Variants in ACBD6 observed in about 807,000 individuals in gnomAD.
The protein encoded by ACBD6 is acyl-CoA binding domain containing 6.
ACBD6 carries 28 observed loss-of-function variants against 37.2 expected under a neutral mutation model. The ratio of observed to expected loss-of-function variants is 0.75; its 90% CI spans 0.56 to 1.03. ACBD6 has a LOEUF of 1.03. ACBD6 is among the 50% of genes least tolerant of loss of function. The pLI is 0.00. For synonymous variants in ACBD6, 113 were observed against 126.8 expected (o/e 0.89, Z 0.73); for missense variants, 340 against 337.4 (o/e 1.01, Z -0.06).
chr1:180,464,333 A>G (rs780071555), intron 3 of ACBD6, among the ~76,000 whole-genome samples: 43 of 152,198 alleles, frequency 2.8e-4, no homozygotes, highest in Non-Finnish European at 4.9e-4. Context: ...AAACAACTTC[A>G]GCAAAGTTGC....
intron 6 of ACBD6, among the ~76,000 whole-genome samples, chr1:180,325,289 C>T (rs1265005092): frequency 6.6e-6 from 1 of 151,932 alleles, no homozygotes; most frequent in Non-Finnish European, 1.5e-5. Context: ...TCTTTTGTTT[C>T]CTCTGTGTAT....
intron 3 of ACBD6, among the ~76,000 whole-genome samples, chr1:180,450,454 G>C (rs886871200): frequency 6.6e-6 from 1 of 152,178 alleles, no homozygotes; most frequent in African/African-American, 2.4e-5. Flanking sequence ...CTTAAAAGCT[G>C]CCTTAAAACT....
At chr1:180,397,374 T>C (rs1312136845) in intron 6 of ACBD6, 142 bp downstream of exon 6, 2 of 782,326 alleles carry the variant, frequency 2.6e-6, no homozygotes, top group African/African-American at 3.4e-5. Context: ...CGGAACTATA[T>C]AGTAGCAATG....
intron 5 of ACBD6, among the ~76,000 whole-genome samples, chr1:180,409,205 A>G (rs1647752126): frequency 1.3e-5 from 2 of 152,168 alleles, no homozygotes; most frequent in African/African-American, 4.8e-5. Context: ...GATGCAGGTA[A>G]GAGAGAATTT....
At chr1:180,401,379 A>T (rs1647351178) in intron 5 of ACBD6, among the ~76,000 whole-genome samples, 1 of 152,224 alleles carries the variant, frequency 6.6e-6, no homozygotes, top group Admixed American at 6.5e-5. Context: ...CAGAGAGCAC[A>T]TCTTAATATA....
intron 6 of ACBD6, among the ~76,000 whole-genome samples, chr1:180,369,793 A>C (rs1653185971): frequency 6.6e-6 from 1 of 152,204 alleles, no homozygotes; most frequent in Non-Finnish European, 1.5e-5. Context: ...CTTTAGAACA[A>C]AGTATTTAGC....
At chr1:180,289,269 G>A (rs375375233) in intron 7 of ACBD6, among the ~76,000 whole-genome samples, 6 of 152,286 alleles carry the variant, frequency 3.9e-5, no homozygotes, top group African/African-American at 1.4e-4. Context: ...AAGACCCAAT[G>A]ATTAGATGGT....
intron 3 of ACBD6, among the ~76,000 whole-genome samples, chr1:180,437,756 A>G (rs1026735061): frequency 3.3e-5 from 5 of 152,222 alleles, no homozygotes; most frequent in Non-Finnish European, 7.3e-5. Context: ...ATGAAGAAAA[A>G]AAACAGGTCC....
intron 3 of ACBD6, among the ~76,000 whole-genome samples, chr1:180,445,924 T>C (rs2102019597): frequency 6.6e-6 from 1 of 152,334 alleles, no homozygotes; most frequent in African/African-American, 2.4e-5. Context: ...AATTACATTA[T>C]ATTACTTCTC....
At chr1:180,463,635 G>T (rs1003922310) in intron 3 of ACBD6, among the ~76,000 whole-genome samples, 1 of 152,104 alleles carries the variant, frequency 6.6e-6, no homozygotes, top group Non-Finnish European at 1.5e-5. Context: ...GTACAAAGAA[G>T]AGCTGGTACC....
At chr1:180,291,230 G>A (rs1649695409) in intron 7 of ACBD6, among the ~76,000 whole-genome samples, 1 of 152,166 alleles carries the variant, frequency 6.6e-6, no homozygotes, top group Admixed American at 6.5e-5. Context: ...TGTTTTCACA[G>A]CTTGTGGGTA....
At position 180,496,519 on chromosome 1, in the gene ACBD6, C is replaced by T. The variant is rs369836507; in HGVS notation, c.223-994G>A. Reference sequence around the variant, plus strand: ...GATCTACTGACTGCCTTAGGTATTCCTAGTTCAGGGTTTTGCTTGTTACTC... The same window carrying T: ...GATCTACTGACTGCCTTAGGTATTCTTAGTTCAGGGTTTTGCTTGTTACTC... On this transcript the variant is annotated intron_variant, in intron 1 of 7. Transcript: ENST00000367595. Among the ~76,000 whole-genome samples the T allele has an allele frequency of 1.1e-4, 16 of 152,236 alleles. 1 individual carries two copies. In the South Asian group the frequency reaches 2.7e-3, roughly 26 times the overall value.
At chr1:180,288,652 G>A (rs918933730) in intron 7 of ACBD6, 135 bp from the exon 8 acceptor site, 8 of 1,078,458 alleles carry the variant, frequency 7.4e-6, no homozygotes, top group Non-Finnish European at 1.1e-5. Context: ...CTGAAGGATG[G>A]TCAGGCCTGG....
chr1:180,445,429 A>G (rs1314385174), intron 3 of ACBD6, among the ~76,000 whole-genome samples: 1 of 152,244 alleles, frequency 6.6e-6, no homozygotes, highest in African/African-American at 2.4e-5. Flanking sequence ...AATATTTTCT[A>G]TGTGCTTATA....
chr1:180,372,050 T>C (rs894519041), intron 6 of ACBD6, among the ~76,000 whole-genome samples: 1 of 152,174 alleles, frequency 6.6e-6, no homozygotes, highest in African/African-American at 2.4e-5. Flanking sequence ...CAAAGTGTTA[T>C]ACTAATTAAG....
chr1:180,280,961 A>G (rs1055651844), intron 9 of ACBD6, among the ~76,000 whole-genome samples: 1 of 152,216 alleles, frequency 6.6e-6, no homozygotes, highest in African/African-American at 2.4e-5. Flanking sequence ...TTCCATTCTC[A>G]GCCCCTCATC....
chr1:180,343,175 TG>T (rs1227105232), intron 6 of ACBD6, among the ~76,000 whole-genome samples: 4 of 151,924 alleles, frequency 2.6e-5, no homozygotes, highest in African/African-American at 9.7e-5. Flanking sequence ...AGAGTTAAAA[TG>T]TAAAAAAATT....
At chr1:180,288,219 A>C, downstream of ACBD6, 1 of 1,152,716 alleles carries the variant, frequency 8.7e-7, no homozygotes, top group Non-Finnish European at 1.2e-6. Context: ...TGAATTGCTG[A>C]GACTTCAAAA....
At chr1:180,420,048 G>A (rs1648289511) in intron 4 of ACBD6, among the ~76,000 whole-genome samples, 2 of 152,236 alleles carry the variant, frequency 1.3e-5, no homozygotes, top group East Asian at 1.9e-4. Context: ...TAATCAGAAC[G>A]CTTCTGCAAG....
Sources: gnomAD v4.1 joint callset for allele counts (sites outside exome capture counted in the v4.1 genomes callset) on GRCh38, gnomAD v4.1.1 for gene constraint, MANE v1.5 for transcripts, NCBI Gene and HGNC (gene_info 2026-07-23, HGNC 2026-07-21) for gene names.